XRN2: variants seen among roughly 807,000 people sequenced by gnomAD.
XRN2 encodes the protein DHM1-like protein.
XRN2 carries 44 observed loss-of-function variants against 138.5 expected under a neutral mutation model. The ratio of observed to expected loss-of-function variants is 0.32; its 90% CI spans 0.25 to 0.41. The LOEUF is 0.41. Ranked by LOEUF, XRN2 falls within the 10% of genes least tolerant of loss-of-function variation. XRN2 has a pLI of 1.00. For missense variants in XRN2, 937 were observed against 1,169.3 expected (o/e 0.80, Z 2.90); for synonymous variants, 354 against 369.4 (o/e 0.96, Z 0.48).
intron 27 of XRN2, among the ~76,000 whole-genome samples, chr20:21,377,197 G>A (rs925592151): frequency 2.2e-4 from 32 of 146,844 alleles, no homozygotes; most frequent in African/African-American, 8.1e-4. Flanking sequence ...AGACAATGAA[G>A]AAAGGAAATC....
Position 21,330,666 on chromosome 20 carries a change from T to C in XRN2, c.537T>C (p.Ala179=). The part of the protein sequence containing the change: ...NLAKCLRYYI[A]DRLNNDPGWK... ...CTAAATGCCTTCGCTATTACATAGCTGATCGTTTAAATAATGACCCTGGGT... is the reference window on the plus strand; with the variant it reads ...CTAAATGCCTTCGCTATTACATAGCCGATCGTTTAAATAATGACCCTGGGT... Residue 179 remains alanine, a synonymous_variant, in exon 6 of 30, where the codon GCT becomes GCC. Transcript: ENST00000377191. 2 of 1,613,252 alleles carry C rather than the reference T, an allele frequency of 1.2e-6. No homozygotes were observed. The highest frequency in any genetic ancestry group is 8.5e-7 in the Non-Finnish European group (1 of 1,179,980).
chr20:21,379,649 AT>A (rs1411797305), intron 27 of XRN2, among the ~76,000 whole-genome samples: 1 of 152,232 alleles, frequency 6.6e-6, no homozygotes, highest in Non-Finnish European at 1.5e-5. Flanking sequence ...GAAGTGATAT[AT>A]TAGAAATGTT....
At chr20:21,332,501 A>T in intron 9 of XRN2, 61 bp downstream of exon 9, 1 of 1,456,912 alleles carries the variant, frequency 6.9e-7, no homozygotes, top group African/African-American at 1.4e-5. Flanking sequence ...GGTAAAATGT[A>T]TATGACATAA....
chr20:21,305,055 C>G (rs560315958), intron 1 of XRN2, among the ~76,000 whole-genome samples: 5 of 152,138 alleles, frequency 3.3e-5, no homozygotes, highest in African/African-American at 9.7e-5. Context: ...TTGCCGCGCC[C>G]GGACTCTATT....
At chr20:21,312,372 G>C (rs2037893359) in intron 1 of XRN2, among the ~76,000 whole-genome samples, 1 of 152,024 alleles carries the variant, frequency 6.6e-6, no homozygotes, top group Non-Finnish European at 1.5e-5. Flanking sequence ...GGAATTACAG[G>C]TGTGAGCCAC....
At chr20:21,358,857 C>T (rs1217974387) in intron 24 of XRN2, among the ~76,000 whole-genome samples, 1 of 152,168 alleles carries the variant, frequency 6.6e-6, no homozygotes, top group Admixed American at 6.5e-5. Flanking sequence ...AAGCCACGCT[C>T]CTAAACCCAT....
intron 27 of XRN2, among the ~76,000 whole-genome samples, chr20:21,375,663 G>T (rs1274334518): frequency 2.0e-5 from 3 of 151,052 alleles, no homozygotes. Context: ...TTCTAGAAAT[G>T]GTATTGCTGG....
In XRN2 at chr20:21,348,302, A is replaced by G. The variant is rs746960840; in HGVS notation, c.1774-39A>G. ...TAAAGTTTATAGAATTCTGGATTAG[A>G]TAATAATCTTGGGTCTTTAATGTTT... On this transcript the variant is annotated intron_variant, in intron 18 of 29. Coordinates refer to ENST00000377191, the MANE Select transcript of XRN2 (RefSeq NM_012255.5). 16 of 1,612,102 alleles carry G rather than the reference A, an allele frequency of 9.9e-6. No individual in the cohort carries two copies. The East Asian group carries it at 2.7e-4, about 27-fold the overall frequency.
At chr20:21,322,359 A>T (rs975754313) in intron 1 of XRN2, among the ~76,000 whole-genome samples, 9 of 152,210 alleles carry the variant, frequency 5.9e-5, no homozygotes, top group African/African-American at 1.9e-4. Flanking sequence ...CTGTAATTTC[A>T]ATTTTTCATT....
chr20:21,377,940 C>T (rs1345229047), intron 27 of XRN2, among the ~76,000 whole-genome samples: 2 of 152,182 alleles, frequency 1.3e-5, no homozygotes, highest in African/African-American at 2.4e-5. Flanking sequence ...AGCACCTCTC[C>T]GCTCTTTCCG....
chr20:21,377,540 G>T (rs1452465352), intron 27 of XRN2, among the ~76,000 whole-genome samples: 1 of 144,048 alleles, frequency 6.9e-6, no homozygotes, highest in Non-Finnish European at 1.5e-5. Context: ...TTACAGGCGT[G>T]AGCCACCACG....
At chr20:21,308,346 G>T (rs1406380516) in intron 1 of XRN2, among the ~76,000 whole-genome samples, 2 of 152,106 alleles carry the variant, frequency 1.3e-5, no homozygotes, top group Non-Finnish European at 2.9e-5. Context: ...ACGTATGCTT[G>T]CATTTGTTTG....
intron 4 of XRN2, among the ~76,000 whole-genome samples, chr20:21,329,317 C>G (rs987457256): frequency 6.6e-6 from 1 of 152,144 alleles, no homozygotes; most frequent in Non-Finnish European, 1.5e-5. Flanking sequence ...AAAGGAAGAT[C>G]AGGGAGTGTT....
intron 21 of XRN2, among the ~76,000 whole-genome samples, chr20:21,355,876 T>C (rs890433119): frequency 2.0e-5 from 3 of 152,206 alleles, no homozygotes; most frequent in Middle Eastern, 6.3e-3. Flanking sequence ...TTTTGAAATA[T>C]GTAATAAATT....
Position 21,326,338 on chromosome 20 carries a change from T to G in XRN2, c.135T>G (p.Asp45Glu). ...PVDASKPNPN[D>E]VEFDNLYLDM... ...ATGCCAGTAAACCTAATCCAAATGA[T>G]GTGGAGTTTGATAATCTGTATTTGG... Residue 45 changes from aspartate (D) to glutamate (E), a missense_variant, in exon 2 of 30, where the codon GAT (aspartate) becomes GAG (glutamate). This residue lies in a region of XRN2 where 51 missense variants were observed against 93.5 expected (regional missense o/e 0.55). Coordinates refer to ENST00000377191, the MANE Select transcript of XRN2 (RefSeq NM_012255.5). 6.2e-7 allele frequency: 1 copy of G among 1,613,836 alleles called. No homozygotes were observed.
chr20:21,312,482 A>G (rs1157324862), intron 1 of XRN2, among the ~76,000 whole-genome samples: 20 of 151,942 alleles, frequency 1.3e-4, no homozygotes, highest in Non-Finnish European at 2.9e-5. Flanking sequence ...TCTTCACTTC[A>G]TATACTTTAA....
intron 16 of XRN2, among the ~76,000 whole-genome samples, chr20:21,344,680 G>C (rs1445865395): frequency 6.6e-6 from 1 of 152,130 alleles, no homozygotes; most frequent in Non-Finnish European, 1.5e-5. Flanking sequence ...AGATCAATAT[G>C]TATGTTTTTT....
At chr20:21,357,668 A>G (rs2038592045) in intron 23 of XRN2, 68 bp from the exon 24 acceptor site, 1 of 1,298,862 alleles carries the variant, frequency 7.7e-7, no homozygotes, top group Non-Finnish European at 1.1e-6. Context: ...ACATAGCAAC[A>G]TCTTATTTCC....
In XRN2 at chr20:21,313,163, A is replaced by G. The variant is rs562050743; in HGVS notation, c.75+9690A>G. The stretch of plus-strand genomic sequence containing the variant: ...GTTAGGCTTTTCCTTAGTGGACTTT[A>G]TGTAAGTAATATTGCAGTTCTTCAA... On this transcript the variant is annotated intron_variant, in intron 1 of 29. Coordinates refer to ENST00000377191, the MANE Select transcript of XRN2 (RefSeq NM_012255.5). 3.0e-4 allele frequency among the ~76,000 whole-genome samples: 45 copies of G among 152,316 alleles called. No individual in the cohort carries two copies. The Middle Eastern group carries it at 0.014, about 46-fold the overall frequency.
Sources: gnomAD v4.1 joint callset for allele counts (sites outside exome capture counted in the v4.1 genomes callset) on GRCh38, gnomAD v4.1.1 for gene constraint, gnomAD v4.1.1 regional missense constraint, MANE v1.5 for transcripts, NCBI Gene and HGNC (gene_info 2026-07-23, HGNC 2026-07-21) for gene names.